Variants in ZNF148 observed in about 807,000 individuals in gnomAD.
ZNF148 encodes zinc finger protein 148.
Under a neutral mutation model 67.7 loss-of-function variants are expected in ZNF148, and 7 were observed. The observed-to-expected ratio is 0.10, with a 90% CI of 0.06 to 0.19. ZNF148 has a LOEUF of 0.19. Among genes scored for constraint, ZNF148 ranks in the 10% least tolerant of loss-of-function variants. ZNF148 has a pLI of 1.00. For synonymous variants in ZNF148, 333 were observed against 330.7 expected (o/e 1.01, Z -0.08); for missense variants, 583 against 947.1 (o/e 0.62, Z 5.05).
At chr3:125,304,246 G>A (rs536037574) in intron 4 of ZNF148, among the ~76,000 whole-genome samples, 2 of 152,234 alleles carry the variant, frequency 1.3e-5, no homozygotes, top group Non-Finnish European at 2.9e-5. Context: ...TCCATATAGA[G>A]GGGCAGCTCA....
chr3:125,233,619 T>C lies in ZNF148; in HGVS notation c.1107A>G (p.Pro369=), dbSNP rs769802013. The C allele has an allele frequency of 5.0e-5, 81 of 1,614,026 alleles. 2 individuals carry two copies. In the South Asian group the frequency reaches 7.0e-4, roughly 14 times the overall value. The change falls in exon 9 of 9, where the codon CCA becomes CCG. Residue 369 remains proline (P), a synonymous_variant. Transcript: ENST00000360647. The surrounding 1 kb of genome is among the most constrained non-coding windows in gnomAD (Gnocchi z 5.1). ...AATGCGAGCCCCCAACTGACGAATG[T>C]GGCATTTCAACAGCATATTCTGCAA... ...YMVAEYAVEM[P]HSSVGGSHLE...
intron 4 of ZNF148, among the ~76,000 whole-genome samples, chr3:125,304,257 G>A (rs1006539924): frequency 6.6e-6 from 1 of 152,148 alleles, no homozygotes; most frequent in Admixed American, 6.5e-5. Flanking sequence ...GGGCAGCTCA[G>A]CATGAGGTGC....
intron 7 of ZNF148, among the ~76,000 whole-genome samples, chr3:125,274,364 T>A (rs1012123767): frequency 1.3e-5 from 2 of 152,118 alleles, no homozygotes; most frequent in African/African-American, 2.4e-5. Context: ...AAGGTAAATC[T>A]CCCATAACTG....
chr3:125,229,870 C>G lies in ZNF148; in HGVS notation c.*2471G>C, dbSNP rs1333298273. 1 of 152,494 alleles carries G rather than the reference C, an allele frequency of 6.6e-6. No individual in the cohort carries two copies. The highest frequency in any genetic ancestry group is 2.4e-5 in the African/African-American group (1 of 41,416). 9.4% of individuals were successfully genotyped at this position (152,494 alleles called of 1,614,324 possible). On this transcript the variant is annotated 3_prime_UTR_variant, in exon 9 of 9. Coordinates refer to ENST00000360647, the MANE Select transcript of ZNF148 (RefSeq NM_021964.3). ...CATATTATGATAGAACAAGGTAACT[C>G]TGGTAGGCATTTGGAATTTCACAGT...
chr3:125,369,768 G>A (rs1297740934), intron 1 of ZNF148, among the ~76,000 whole-genome samples: 1 of 152,080 alleles, frequency 6.6e-6, no homozygotes, highest in Non-Finnish European at 1.5e-5. Flanking sequence ...CTGAGGTCAG[G>A]AGTTCAAGAC....
intron 7 of ZNF148, among the ~76,000 whole-genome samples, chr3:125,254,691 AC>A: frequency 6.6e-6 from 1 of 150,866 alleles, no homozygotes; most frequent in East Asian, 1.9e-4. Flanking sequence ...TGTTTCATAC[AC>A]TGCATTTTTT....
chr3:125,245,549 T>C (rs1320173720), intron 7 of ZNF148, among the ~76,000 whole-genome samples: 1 of 152,210 alleles, frequency 6.6e-6, no homozygotes, highest in East Asian at 1.9e-4. Flanking sequence ...ACTTACAGCT[T>C]ATGCCACAAA....
At chr3:125,336,508 ACTG>A (rs759969392) in intron 1 of ZNF148, among the ~76,000 whole-genome samples, 1 of 152,116 alleles carries the variant, frequency 6.6e-6, no homozygotes, top group Non-Finnish European at 1.5e-5. Context: ...ATTTATAGTA[ACTG>A]CTTTCAAATT....
At chr3:125,335,521 C>A (rs939937641) in intron 1 of ZNF148, among the ~76,000 whole-genome samples, 2 of 152,136 alleles carry the variant, frequency 1.3e-5, no homozygotes, top group African/African-American at 2.4e-5. Context: ...AGAGATTCAA[C>A]CTATTGATAA....
intron 4 of ZNF148, among the ~76,000 whole-genome samples, chr3:125,307,558 C>T (rs187824121): frequency 1.3e-5 from 2 of 152,298 alleles, no homozygotes; most frequent in Admixed American, 6.5e-5. Flanking sequence ...CCCGCTTCGG[C>T]CTCCCAAACC....
At chr3:125,328,998 G>GAT (rs10565589) in intron 2 of ZNF148, among the ~76,000 whole-genome samples, 1,760 of 147,430 alleles carry the variant, frequency 0.012, 53 homozygotes, top group East Asian at 0.079. Flanking sequence ...TTATACTACT[G>GAT]ATATATATAT....
chr3:125,313,244 T>A, intron 4 of ZNF148, 64 bp downstream of exon 4: 1 of 1,343,176 alleles, frequency 7.4e-7, no homozygotes, highest in South Asian at 1.4e-5. Context: ...CTTCGATGAC[T>A]TGCAGTATTA....
At chr3:125,303,836 T>A (rs1339596223) in intron 4 of ZNF148, among the ~76,000 whole-genome samples, 2 of 152,000 alleles carry the variant, frequency 1.3e-5, no homozygotes, top group Admixed American at 1.3e-4. Context: ...TGGTCCCTGG[T>A]GCCAAAAACG....
chr3:125,298,153 T>C (rs1051252685), intron 4 of ZNF148, among the ~76,000 whole-genome samples: 4 of 152,166 alleles, frequency 2.6e-5, no homozygotes, highest in Non-Finnish European at 5.9e-5. Context: ...GTTGGGGTAG[T>C]AGTAATCTTT....
intron 4 of ZNF148, among the ~76,000 whole-genome samples, chr3:125,305,790 G>A (rs1265028819): frequency 7.2e-6 from 1 of 139,306 alleles, no homozygotes; most frequent in Non-Finnish European, 1.5e-5. Flanking sequence ...ACCAGCACGG[G>A]CAAAAAAAAA....
intron 2 of ZNF148, among the ~76,000 whole-genome samples, chr3:125,326,671 G>GTA (rs149041632): frequency 0.036 from 5,286 of 144,954 alleles, 305 homozygotes; most frequent in African/African-American, 0.12. Context: ...ATATATATGA[G>GTA]TATATATATA....
chr3:125,297,552 CTG>C (rs1473440161), intron 4 of ZNF148, among the ~76,000 whole-genome samples: 2 of 151,252 alleles, frequency 1.3e-5, no homozygotes, highest in Non-Finnish European at 2.9e-5. Flanking sequence ...TACTACAAAT[CTG>C]TAAGAGAAAG....
intron 1 of ZNF148, among the ~76,000 whole-genome samples, chr3:125,356,332 A>T (rs981688557): frequency 2.0e-5 from 3 of 152,198 alleles, no homozygotes; most frequent in Non-Finnish European, 4.4e-5. Flanking sequence ...AGAGACCCAG[A>T]GTCTATTCCA....
intron 1 of ZNF148, among the ~76,000 whole-genome samples, chr3:125,333,133 T>C (rs1182159038): frequency 6.6e-6 from 1 of 152,212 alleles, no homozygotes; most frequent in Non-Finnish European, 1.5e-5. Flanking sequence ...ACTGGACAAA[T>C]GTTTTTGAAA....
Sources: allele counts gnomAD v4.1 joint callset (sites outside exome capture counted in the v4.1 genomes callset), GRCh38; gene constraint gnomAD v4.1.1; non-coding constraint Gnocchi (gnomAD v3.1); transcripts MANE v1.5; gene names NCBI Gene and HGNC (gene_info 2026-07-23, HGNC 2026-07-21).